Variants in CAT observed in about 807,000 individuals in gnomAD.
CAT encodes catalase.
Under a neutral mutation model 59.0 loss-of-function variants are expected in CAT, and 43 were observed. That is an observed-to-expected ratio of 0.73 (90% CI 0.57 to 0.94). CAT has a LOEUF of 0.94. Ranked by LOEUF, CAT falls within the 40% of genes least tolerant of loss-of-function variation. The pLI, the probability that CAT is intolerant of heterozygous loss-of-function variation, is 0.00. For missense variants in CAT, 664 were observed against 682.9 expected, an observed-to-expected ratio of 0.97 and a Z score of 0.31; for synonymous variants, 218 against 230.9, an observed-to-expected ratio of 0.94 and a Z score of 0.51.
chr11:34,468,403 T>G lies in CAT; in HGVS notation c.1434+8T>G. The G allele has an allele frequency of 1.2e-6, 2 of 1,600,478 alleles. No homozygotes were observed. Among genetic ancestry groups the G allele is most frequent in the Non-Finnish European group, 1.7e-6 (2 of 1,167,540 alleles). On this transcript the variant is annotated splice_region_variant and intron_variant, in intron 11 of 12. Coordinates refer to ENST00000241052, the MANE Select transcript of CAT (RefSeq NM_001752.4). ...TTCATCCAGAAGAAAGCGGTGAGTC[T>G]TTGTAAGCTGAAGGGTGTCCTCTGC...
intron 8 of CAT, 84 bp downstream of exon 8, chr11:34,456,901 A>G: frequency 7.2e-7 from 1 of 1,391,788 alleles, no homozygotes; most frequent in South Asian, 1.2e-5. Context: ...CATGATCTTT[A>G]TGTGAGGAAT....
At chr11:34,460,447 T>C (rs4756147) in intron 8 of CAT, among the ~76,000 whole-genome samples, 935 of 64,154 alleles carry the variant, frequency 0.015, 31 homozygotes, top group East Asian at 0.045. Flanking sequence ...TGGGCGGTAC[T>C]TTTTTTTTTT....
In CAT at chr11:34,456,194, C is replaced by A. The variant is rs1365498884; in HGVS notation, c.895C>A (p.Leu299Ile). ...AACTTTTCCATTTAATCCATTCGAT[C>A]TCACCAAGGTGAGTCAGTAAACAAC... is the stretch of plus-strand genomic sequence containing the variant. Reference protein sequence around the residue: ...AETFPFNPFDLTKVWPHKDYP... With the variant: ...AETFPFNPFDITKVWPHKDYP... The change falls in exon 7 of 13, where the codon CTC becomes ATC. Residue 299 changes from leucine to isoleucine, a missense_variant. Leu to Ile is a conservative substitution (Grantham distance 5). Coordinates refer to ENST00000241052, the MANE Select transcript of CAT (RefSeq NM_001752.4). 3 of 1,612,790 alleles carry A rather than the reference C, an allele frequency of 1.9e-6. No individual in the cohort carries two copies. The highest frequency in any genetic ancestry group is 2.5e-6 in the Non-Finnish European group (3 of 1,178,960).
At chr11:34,443,754 C>T (rs1319273302) in intron 1 of CAT, among the ~76,000 whole-genome samples, 3 of 152,130 alleles carry the variant, frequency 2.0e-5, no homozygotes, top group African/African-American at 7.2e-5. Flanking sequence ...CCATTTCTGT[C>T]AGTGAGTTGC....
rs551372612 is a variant in CAT, at chr11:34,453,315, T to G, written c.585+121T>G. On this transcript the variant is annotated intron_variant, in intron 5 of 12. Transcript: ENST00000241052. ...TTGGAATCAGCTTCCTCAGATTTCT[T>G]GATCGTGAAGAGTTTTGTAGTAACT... The G allele has an allele frequency of 7.8e-6, 6 of 767,614 alleles. No homozygotes were observed. In the South Asian group the frequency reaches 8.3e-5, roughly 11 times the overall value. The allele number at this position is 767,614 out of a possible 1,614,324, so 47.6% of individuals were successfully genotyped here.
At chr11:34,457,854 A>G (rs907282622) in intron 8 of CAT, among the ~76,000 whole-genome samples, 1 of 152,270 alleles carries the variant, frequency 6.6e-6, no homozygotes, top group East Asian at 1.9e-4. Context: ...TTATGTAAGT[A>G]TCTGATTCCA....
chr11:34,445,420 G>A (rs1168150983), intron 1 of CAT, among the ~76,000 whole-genome samples: 1 of 144,534 alleles, frequency 6.9e-6, no homozygotes, highest in African/African-American at 2.6e-5. Flanking sequence ...TTGAACCCGG[G>A]AGGAGGTGGA....
rs758333161 is a variant in CAT at position 34,453,944 on chromosome 11, G to A, written c.711+18G>A. The A allele has an allele frequency of 9.3e-6, 15 of 1,612,280 alleles. No homozygotes were observed. The African/African-American group carries it at 2.0e-4, about 22-fold the overall frequency. On this transcript the variant is annotated intron_variant, in intron 6 of 12. Transcript: ENST00000241052. ...ATTATAAGGTATGTGTTACCTTTGGGGCAGAGGGTACAAGGCTCCTACCGC... is the reference window on the plus strand; with the variant it reads ...ATTATAAGGTATGTGTTACCTTTGGAGCAGAGGGTACAAGGCTCCTACCGC...
At chr11:34,443,090 A>AG in intron 1 of CAT, among the ~76,000 whole-genome samples, 1 of 152,334 alleles carries the variant, frequency 6.6e-6, no homozygotes, top group Non-Finnish European at 1.5e-5. Flanking sequence ...ATTAAAAAAA[A>AG]ATCTCCCCTT....
At chr11:34,447,842 GACTCATAAATAAGTA>G (rs1214186146) in intron 1 of CAT, among the ~76,000 whole-genome samples, 1 of 152,130 alleles carries the variant, frequency 6.6e-6, no homozygotes, top group Non-Finnish European at 1.5e-5. Context: ...TGAAAATGGA[GACTCATAAATAAGTA>G]ACTTACCAGC....
intron 1 of CAT, among the ~76,000 whole-genome samples, chr11:34,443,004 CT>C (rs1177080116): frequency 3.3e-5 from 5 of 152,148 alleles, no homozygotes; most frequent in Admixed American, 3.3e-4. Flanking sequence ...AACATAATTT[CT>C]TTTTAAAGAA....
Position 34,438,967 on chromosome 11 carries a change from C to T in CAT, c.-47C>T. The T allele has an allele frequency of 1.3e-6, 2 of 1,522,114 alleles. No individual in the cohort carries two copies. The highest frequency in any genetic ancestry group is 1.2e-5 in the South Asian group (1 of 83,896). The allele number at this position is 1,522,114 out of a possible 1,614,324, so 94.3% of individuals were successfully genotyped here. A position where few individuals can be genotyped will look rare whatever the true frequency, so the allele number is the denominator to read the frequency against. ...GATTTGCCTGCTGAGGGTGGAGACC[C>T]ACGAGCCGAGGCCTCCTGCAGTGTT... On this transcript the variant is annotated 5_prime_UTR_variant, in exon 1 of 13. Transcript: ENST00000241052.
At chr11:34,447,995 G>C (rs1319121108) in intron 1 of CAT, among the ~76,000 whole-genome samples, 1 of 152,148 alleles carries the variant, frequency 6.6e-6, no homozygotes, top group African/African-American at 2.4e-5. Context: ...TAGTGGCAAG[G>C]GCATTTACTA....
Position 34,456,798 on chromosome 11 carries a change from G to T in CAT, c.1037G>T (p.Ser346Ile). 6.2e-7 allele frequency: 1 copy of T among 1,614,234 alleles called. No individual in the cohort carries two copies. Among genetic ancestry groups the T allele is most frequent in the East Asian group, 2.2e-5 (1 of 44,888 alleles). Reference sequence around the variant, plus strand: ...AACATGCCACCTGGCATTGAGGCCAGTCCTGACAAAATGCTTCAGGTGAGC... The same window carrying T: ...AACATGCCACCTGGCATTGAGGCCATTCCTGACAAAATGCTTCAGGTGAGC... Reference protein sequence around the residue: ...PSNMPPGIEASPDKMLQGRLF... With the variant: ...PSNMPPGIEAIPDKMLQGRLF... The change falls in exon 8 of 13, where the codon AGT becomes ATT. Residue 346 changes from serine (S) to isoleucine (I), a missense_variant. Transcript: ENST00000241052.
Position 34,471,458 on chromosome 11 carries a change from C to A in CAT, c.*25C>A. The A allele has an allele frequency of 6.2e-7, 1 of 1,600,358 alleles. No individual in the cohort carries two copies. The highest frequency in any genetic ancestry group is 8.6e-7 in the Non-Finnish European group (1 of 1,167,420). ...AGGCCGGGGCCCTGCACCTGTGCAG[C>A]GAAGCTTAGCGTTCATCCGTGTAAC... is the stretch of plus-strand genomic sequence containing the variant. On this transcript the variant is annotated 3_prime_UTR_variant, in exon 13 of 13. Transcript: ENST00000241052.
Position 34,461,365 on chromosome 11 carries a change from C to CAACTA in CAT, c.1171_1172insAACTA (p.Pro391GlnfsTer60), listed in dbSNP as rs1856649033. On this transcript the variant is annotated frameshift_variant, in exon 9 of 13. Transcript: ENST00000241052. LOFTEE classifies it high-confidence loss of function. ...AGTGGCCAACTACCAGCGTGACGGC[C>CAACTA]CGATGTGCATGCAGGACAATCAGGG... 1 of 1,614,200 alleles carries CAACTA rather than the reference C, an allele frequency of 6.2e-7. No homozygotes were observed. Among genetic ancestry groups the CAACTA allele is most frequent in the East Asian group, 2.2e-5 (1 of 44,872 alleles).
At position 34,468,389 on chromosome 11, in the gene CAT, GA is replaced by G. The variant is rs1350275513; in HGVS notation, c.1431del (p.Ala478ArgfsTer62). On this transcript the variant is annotated frameshift_variant, in exon 11 of 13. Coordinates refer to ENST00000241052, the MANE Select transcript of CAT (RefSeq NM_001752.4). LOFTEE classifies it high-confidence loss of function. Reference sequence around the variant, plus strand: ...AGGATGCACAAATTTTCATCCAGAAGAAAGCGGTGAGTCTTTGTAAGCTGAA... The same window carrying G: ...AGGATGCACAAATTTTCATCCAGAAGAAGCGGTGAGTCTTTGTAAGCTGAA... ...LKDAQIFIQK[K>X]AVKNFTEVHP... is the part of the protein sequence containing the mutation. 6.2e-7 allele frequency: 1 copy of G among 1,612,238 alleles called. No individual in the cohort carries two copies. Among genetic ancestry groups the G allele is most frequent in the African/African-American group, 1.3e-5 (1 of 75,006 alleles).
chr11:34,454,702 A>T (rs1856568772), intron 6 of CAT, among the ~76,000 whole-genome samples: 1 of 152,224 alleles, frequency 6.6e-6, no homozygotes, highest in Non-Finnish European at 1.5e-5. Context: ...TTTGACAAGG[A>T]AAAATTTTAT....
At chr11:34,454,034 T>A in intron 6 of CAT, 108 bp downstream of exon 6, 1 of 1,191,490 alleles carries the variant, frequency 8.4e-7, no homozygotes, top group Non-Finnish European at 1.2e-6. Flanking sequence ...TTCCCTCACC[T>A]CCATCCCCAA....
Sources: allele counts gnomAD v4.1 joint callset (sites outside exome capture counted in the v4.1 genomes callset), GRCh38; gene constraint gnomAD v4.1.1; transcripts MANE v1.5; gene names NCBI Gene and HGNC (gene_info 2026-07-23, HGNC 2026-07-21).